GAB2: variants seen among roughly 807,000 people sequenced by gnomAD.
GAB2 encodes the protein GRB2-associated-binding protein 2.
GAB2 carries 26 observed loss-of-function variants against 65.5 expected under a neutral mutation model. The observed-to-expected ratio is 0.40, with a 90% CI of 0.29 to 0.55. The LOEUF (loss-of-function observed/expected upper bound fraction) is 0.55. GAB2 is among the 20% of genes least tolerant of loss of function. GAB2 has a pLI of 0.53. For missense variants in GAB2, 884 were observed against 875.8 expected (o/e 1.01, Z -0.12); for synonymous variants, 321 against 329.6 (o/e 0.97, Z 0.28).
At chr11:78,280,313 A>G in intron 2 of GAB2, 1 of 432,276 alleles carries the variant, frequency 2.3e-6, no homozygotes, top group Non-Finnish European at 4.2e-6. Context: ...CAGGGAAGAG[A>G]GAAAACAGGA....
chr11:78,271,390 C>T (rs1866005701), intron 2 of GAB2, among the ~76,000 whole-genome samples: 1 of 152,218 alleles, frequency 6.6e-6, no homozygotes, highest in Non-Finnish European at 1.5e-5. Context: ...GATATGTGTT[C>T]CTGAAACTGC....
intron 1 of GAB2, among the ~76,000 whole-genome samples, chr11:78,354,400 TATC>T (rs1479428466): frequency 6.6e-6 from 1 of 152,094 alleles, no homozygotes; most frequent in Non-Finnish European, 1.5e-5. Flanking sequence ...TACTGTACTG[TATC>T]ATATCATATG....
At chr11:78,346,711 AT>A (rs1565168247) in intron 1 of GAB2, among the ~76,000 whole-genome samples, 66 of 60,174 alleles carry the variant, frequency 1.1e-3, no homozygotes, top group Non-Finnish European at 1.7e-3. Flanking sequence ...ATATATATAT[AT>A]ATATATATAA....
intron 3 of GAB2, among the ~76,000 whole-genome samples, chr11:78,238,105 A>C (rs549453459): frequency 8.6e-5 from 13 of 151,718 alleles, no homozygotes; most frequent in Non-Finnish European, 1.6e-4. Flanking sequence ...TGATGGGTTG[A>C]TCTGTGCAGT....
chr11:78,238,538 A>T (rs1259293659), intron 3 of GAB2, among the ~76,000 whole-genome samples: 2 of 122,664 alleles, frequency 1.6e-5, no homozygotes, highest in Admixed American at 7.6e-5. Flanking sequence ...AAACTAGATT[A>T]AAAAAAAAAA....
chr11:78,348,167 G>C (rs1856220055), intron 1 of GAB2, among the ~76,000 whole-genome samples: 1 of 152,112 alleles, frequency 6.6e-6, no homozygotes, highest in Admixed American at 6.5e-5. Context: ...GACAGAAGCA[G>C]AAGAGGTAGA....
chr11:78,345,960 T>C (rs920065809), intron 1 of GAB2, among the ~76,000 whole-genome samples: 3 of 152,176 alleles, frequency 2.0e-5, no homozygotes, highest in African/African-American at 7.2e-5. Context: ...CCAATTTATA[T>C]TTGATCCTCT....
chr11:78,228,454 T>A (rs1474115034), intron 3 of GAB2, among the ~76,000 whole-genome samples: 3 of 152,220 alleles, frequency 2.0e-5, no homozygotes, highest in African/African-American at 7.2e-5. Context: ...CGTATACATA[T>A]AAACTTGTTG....
intron 1 of GAB2, among the ~76,000 whole-genome samples, chr11:78,306,087 C>T (rs1341595421): frequency 6.6e-6 from 1 of 152,138 alleles, no homozygotes; most frequent in Non-Finnish European, 1.5e-5. Context: ...CTGCCCTATA[C>T]CTAGAAATTT....
At chr11:78,226,177 A>AC (rs1864641970) in intron 4 of GAB2, among the ~76,000 whole-genome samples, 1 of 152,172 alleles carries the variant, frequency 6.6e-6, no homozygotes, top group South Asian at 2.1e-4. Flanking sequence ...GGGCTTCTAA[A>AC]CCCATAATAT....
chr11:78,392,107 G>C (rs1185135136), intron 1 of GAB2: 1 of 152,034 alleles, frequency 6.6e-6, no homozygotes, highest in Non-Finnish European at 1.5e-5. Context: ...GCGTGGTGGT[G>C]CGCACCTGTA....
At chr11:78,350,078 T>C (rs1383161210) in intron 1 of GAB2, among the ~76,000 whole-genome samples, 2 of 152,164 alleles carry the variant, frequency 1.3e-5, no homozygotes, top group Non-Finnish European at 2.9e-5. Flanking sequence ...TTTTCATTCA[T>C]CACATTGAAA....
chr11:78,231,941 C>T (rs1038751018), intron 3 of GAB2: 1 of 152,214 alleles, frequency 6.6e-6, no homozygotes, highest in Non-Finnish European at 1.5e-5. Flanking sequence ...TATCCTCTTG[C>T]ATTTGACCCA....
rs180830738 is a variant in GAB2, at chr11:78,345,801, G to C, written c.76-64900C>G. Among the ~76,000 whole-genome samples, 50 of 152,306 alleles carry C rather than the reference G, an allele frequency of 3.3e-4. No homozygotes were observed. In the East Asian group the frequency reaches 5.0e-3, roughly 15 times the overall value. ...GAACAGAGGAAAATGATGCCAGCTGGAAGGCACGGTAACCAGAAGATAGTG... is the reference window on the plus strand; with the variant it reads ...GAACAGAGGAAAATGATGCCAGCTGCAAGGCACGGTAACCAGAAGATAGTG... On this transcript the variant is annotated intron_variant, in intron 1 of 9. Transcript: ENST00000361507.
Position 78,267,673 on chromosome 11 carries a change from A to G in GAB2, c.376+12928T>C, listed in dbSNP as rs185619371. 6.2e-3 allele frequency among the ~76,000 whole-genome samples: 948 copies of G among 151,950 alleles called. 10 individuals carry two copies. Among genetic ancestry groups the G allele is most frequent in the African/African-American group, 0.021 (889 of 41,428 alleles). ...GGAGATCGAGACCATCCTGGCTAAC[A>G]TGGTGAAACCCCGTCGCTACTAAAA... On this transcript the variant is annotated intron_variant, in intron 2 of 9. Transcript: ENST00000361507.
At chr11:78,405,496 G>A (rs1425874487) in intron 1 of GAB2, among the ~76,000 whole-genome samples, 2 of 151,942 alleles carry the variant, frequency 1.3e-5, no homozygotes, top group Non-Finnish European at 2.9e-5. Flanking sequence ...TTTCTCCTCT[G>A]GTAACATGGG....
chr11:78,407,795 A>G (rs925674128), intron 1 of GAB2, among the ~76,000 whole-genome samples: 5 of 152,070 alleles, frequency 3.3e-5, no homozygotes, highest in African/African-American at 9.7e-5. Flanking sequence ...AGAAAAGAAA[A>G]GAAAGAAAAA....
rs76853537 is a variant in GAB2 at position 78,250,373 on chromosome 11, C to A, written c.404G>T (p.Gly135Val). The change falls in exon 3 of 10, where the codon GGT becomes GTT. Residue 135 changes from glycine (G) to valine (V), a missense_variant. By Grantham distance (109) the Gly-to-Val change is moderately radical. Transcript: ENST00000361507. ...AGCTGGAGAAGAGCGGGGGCCATGA[C>A]CGGCTGAGGAAACATTTCTCAGGGA... ...TDSLRNVSSA[G>V]HGPRSSPAEL... 3.3e-3 allele frequency: 5,246 copies of A among 1,613,198 alleles called. 227 individuals carry two copies. In the Admixed American group the frequency reaches 0.076, roughly 23 times the overall value.
chr11:78,335,104 T>C (rs1855976316), intron 1 of GAB2, among the ~76,000 whole-genome samples: 1 of 152,236 alleles, frequency 6.6e-6, no homozygotes, highest in African/African-American at 2.4e-5. Flanking sequence ...CTTTTCCCTA[T>C]AGAGTTGTTT....
Sources: allele counts gnomAD v4.1 joint callset (sites outside exome capture counted in the v4.1 genomes callset), GRCh38; gene constraint gnomAD v4.1.1; transcripts MANE v1.5; gene names NCBI Gene and HGNC (gene_info 2026-07-23, HGNC 2026-07-21).